The following CCDC38 variants were observed in gnomAD, a reference collection of about 807,000 sequenced individuals.
The protein encoded by CCDC38 is coiled-coil domain-containing protein 38.
A neutral mutation model predicts 72.8 loss-of-function variants in CCDC38; 69 were observed. The ratio of observed to expected loss-of-function variants is 0.95; its 90% CI spans 0.78 to 1.16. The LOEUF (loss-of-function observed/expected upper bound fraction) is 1.16. Among genes scored for constraint, CCDC38 ranks in the 50% most tolerant of loss-of-function variants. The probability of loss-of-function intolerance (pLI) is 0.00; values close to 1 mark genes in which losing one functional copy is unlikely to be tolerated. For synonymous variants in CCDC38, 201 were observed against 213.2 expected (o/e 0.94, Z 0.50); for missense variants, 626 against 638.9 (o/e 0.98, Z 0.22).
At chr12:95,870,686 G>A (rs568274344) in intron 14 of CCDC38, among the ~76,000 whole-genome samples, 1 of 152,268 alleles carries the variant, frequency 6.6e-6, no homozygotes, top group Non-Finnish European at 1.5e-5. Flanking sequence ...CTTAGGGAAG[G>A]AGTAACTTTT....
intron 2 of CCDC38, among the ~76,000 whole-genome samples, chr12:95,931,558 A>T (rs1384184918): frequency 6.6e-6 from 1 of 152,054 alleles, no homozygotes; most frequent in East Asian, 1.9e-4. Context: ...TCTTCTATTT[A>T]TTCATTAATT....
intron 1 of CCDC38, among the ~76,000 whole-genome samples, chr12:95,938,087 TC>T (rs2080412670): frequency 1.3e-5 from 2 of 152,130 alleles, no homozygotes; most frequent in African/African-American, 4.8e-5. Context: ...TGATTTTAGT[TC>T]CAGTGGTTAT....
At chr12:95,877,158 G>A (rs2079644692) in intron 13 of CCDC38, among the ~76,000 whole-genome samples, 1 of 152,144 alleles carries the variant, frequency 6.6e-6, no homozygotes, top group African/African-American at 2.4e-5. Context: ...GACAAGATAA[G>A]GGTAATCACC....
chr12:95,921,323 G>A (rs189793109), intron 2 of CCDC38, among the ~76,000 whole-genome samples: 38 of 152,254 alleles, frequency 2.5e-4, no homozygotes, highest in African/African-American at 8.7e-4. Flanking sequence ...AAGGTCAAGT[G>A]TAATTGTCTA....
At chr12:95,929,104 A>G (rs1272038227) in intron 2 of CCDC38, among the ~76,000 whole-genome samples, 1 of 152,206 alleles carries the variant, frequency 6.6e-6, no homozygotes, top group Non-Finnish European at 1.5e-5. Flanking sequence ...TTACCTAAGC[A>G]AGCCTGGGCA....
chr12:95,940,857 C>A (rs372310711), intron 1 of CCDC38, among the ~76,000 whole-genome samples: 4 of 146,362 alleles, frequency 2.7e-5, no homozygotes, highest in South Asian at 4.4e-4. Flanking sequence ...TCTGACTGCC[C>A]CTTTTGCGAA....
At chr12:95,942,029 T>A (rs1399430177) in intron 1 of CCDC38, among the ~76,000 whole-genome samples, 1 of 152,240 alleles carries the variant, frequency 6.6e-6, no homozygotes, top group Non-Finnish European at 1.5e-5. Context: ...CAGGTTTTTT[T>A]AATGAGACTA....
intron 2 of CCDC38, among the ~76,000 whole-genome samples, chr12:95,930,371 G>A (rs1444969185): frequency 1.3e-5 from 2 of 150,486 alleles, no homozygotes; most frequent in Admixed American, 1.3e-4. Context: ...CCTTCTGGAG[G>A]CTCTGAGGGG....
chr12:95,901,782 A>G (rs558023740), intron 5 of CCDC38, among the ~76,000 whole-genome samples: 1 of 152,236 alleles, frequency 6.6e-6, no homozygotes, highest in Non-Finnish European at 1.5e-5. Flanking sequence ...GGTAACTTTG[A>G]CAAAAGTCGT....
chr12:95,894,746 A>G (rs1335109643), intron 8 of CCDC38, among the ~76,000 whole-genome samples: 1 of 152,022 alleles, frequency 6.6e-6, no homozygotes, highest in Non-Finnish European at 1.5e-5. Flanking sequence ...AGCCAAATAA[A>G]CCTCTTTTCT....
intron 2 of CCDC38, among the ~76,000 whole-genome samples, chr12:95,922,778 G>A (rs141271612): frequency 2.0e-5 from 3 of 152,316 alleles, no homozygotes; most frequent in African/African-American, 7.2e-5. Flanking sequence ...CAGCAGAAGT[G>A]TAGACGAGCA....
At chr12:95,941,917 C>G (rs1203543020) in intron 1 of CCDC38, among the ~76,000 whole-genome samples, 1 of 118,974 alleles carries the variant, frequency 8.4e-6, no homozygotes, top group Non-Finnish European at 1.6e-5. Flanking sequence ...CAATTTTTAT[C>G]TTTCTCTTTC....
intron 5 of CCDC38, among the ~76,000 whole-genome samples, chr12:95,901,819 T>C (rs2079953298): frequency 6.6e-6 from 1 of 152,188 alleles, no homozygotes; most frequent in African/African-American, 2.4e-5. Flanking sequence ...GACAAAACCC[T>C]GATGGAAGTG....
chr12:95,928,588 G>A (rs1371747196), intron 2 of CCDC38, among the ~76,000 whole-genome samples: 2 of 152,222 alleles, frequency 1.3e-5, no homozygotes, highest in African/African-American at 4.8e-5. Context: ...GTGAGGAACT[G>A]CGTTCCTTTG....
At chr12:95,878,941 G>T (rs928320896) in intron 12 of CCDC38, among the ~76,000 whole-genome samples, 1 of 152,134 alleles carries the variant, frequency 6.6e-6, no homozygotes, top group Non-Finnish European at 1.5e-5. Flanking sequence ...AAATTAATTT[G>T]TTTTGAAGTT....
chr12:95,927,001 A>G (rs1182659942), intron 2 of CCDC38, among the ~76,000 whole-genome samples: 2 of 151,470 alleles, frequency 1.3e-5, no homozygotes, highest in Non-Finnish European at 2.9e-5. Flanking sequence ...TGTGGTACTG[A>G]AAAAAATGTA....
chr12:95,885,399 TAAC>T (rs1290649487), intron 10 of CCDC38: 2 of 168,902 alleles, frequency 1.2e-5, no homozygotes, highest in Admixed American at 6.3e-5. Context: ...GGCCCTTTGA[TAAC>T]AACTCAGAAA....
At chr12:95,917,341 T>A (rs770889431) in intron 3 of CCDC38, 47 bp from the exon 4 acceptor site, 13 of 1,443,902 alleles carry the variant, frequency 9.0e-6, no homozygotes, top group Non-Finnish European at 1.1e-5. Context: ...TACCAAAGTA[T>A]GTTATCTTAA....
intron 13 of CCDC38, among the ~76,000 whole-genome samples, chr12:95,875,439 A>AGT (rs67066505): frequency 0.87 from 131,927 of 152,070 alleles, 57,864 homozygotes; most frequent in African/African-American, 0.97. Context: ...TATCATTAAG[A>AGT]GTGGAAGTTT....
Sources: allele counts gnomAD v4.1 joint callset (sites outside exome capture counted in the v4.1 genomes callset), GRCh38; gene constraint gnomAD v4.1.1; transcripts MANE v1.5; gene names NCBI Gene and HGNC (gene_info 2026-07-23, HGNC 2026-07-21).